The following ATP8A2 variants were observed in gnomAD, a reference collection of about 807,000 sequenced individuals.
The protein encoded by ATP8A2 is ATPase phospholipid transporting 8A2, also known as phospholipid-transporting ATPase IB.
ATP8A2 carries 100 observed loss-of-function variants against 165.6 expected under a neutral mutation model. The observed-to-expected ratio is 0.60, with a 90% CI of 0.51 to 0.71. The LOEUF is 0.71. Among genes scored for constraint, ATP8A2 ranks in the 30% least tolerant of loss-of-function variants. The pLI, the probability that ATP8A2 is intolerant of heterozygous loss-of-function variation, is 0.00. For synonymous variants in ATP8A2, 543 were observed against 548.8 expected, an observed-to-expected ratio of 0.99 and a Z score of 0.15; for missense variants, 1,227 against 1,479.5, an observed-to-expected ratio of 0.83 and a Z score of 2.80.
In ATP8A2 at chr13:26,024,710, T is replaced by C. The variant is rs55804809; in HGVS notation, c.*4725T>C. Reference sequence around the variant, plus strand: ...TCGGGCTCTAGTTGCCTTTGAGATATCCACTCTGCTCTTTCTCCCAGGCCT... The same window carrying C: ...TCGGGCTCTAGTTGCCTTTGAGATACCCACTCTGCTCTTTCTCCCAGGCCT... On this transcript the variant is annotated 3_prime_UTR_variant, in exon 37 of 37. Transcript: ENST00000381655. The C allele has an allele frequency of 0.031, 4,757 of 152,302 alleles. 93 individuals are homozygous for C. The highest frequency in any genetic ancestry group is 0.042 in the African/African-American group (1,751 of 41,564). The allele number at this position is 152,302 out of a possible 1,614,324, so 9.4% of individuals were successfully genotyped here. A position where few individuals can be genotyped will look rare whatever the true frequency, so the allele number is the denominator to read the frequency against.
intron 25 of ATP8A2, among the ~76,000 whole-genome samples, chr13:25,721,088 T>C (rs2043371183): frequency 1.3e-5 from 2 of 151,848 alleles, no homozygotes; most frequent in South Asian, 4.2e-4. Context: ...CCCGAATAGC[T>C]GTGGCTACAG....
chr13:25,621,636 G>A (rs921181148), intron 24 of ATP8A2, among the ~76,000 whole-genome samples: 1 of 152,002 alleles, frequency 6.6e-6, no homozygotes, highest in Non-Finnish European at 1.5e-5. Flanking sequence ...CCATCACCAA[G>A]AAAACTGGAA....
chr13:25,979,887 A>C (rs1249162118), intron 35 of ATP8A2, among the ~76,000 whole-genome samples: 1 of 152,168 alleles, frequency 6.6e-6, no homozygotes, highest in African/African-American at 2.4e-5. Context: ...TCTTTTCCTC[A>C]TCCATTACAA....
At chr13:25,414,629 C>T (rs867739117) in intron 1 of ATP8A2, among the ~76,000 whole-genome samples, 6 of 152,252 alleles carry the variant, frequency 3.9e-5, no homozygotes, top group African/African-American at 1.4e-4. Context: ...CCTGGATGTA[C>T]TTTACGTGTA....
intron 25 of ATP8A2, among the ~76,000 whole-genome samples, chr13:25,710,384 T>A (rs896484387): frequency 6.6e-6 from 1 of 152,242 alleles, no homozygotes; most frequent in Non-Finnish European, 1.5e-5. Flanking sequence ...TCTTACTGTA[T>A]GTTTGTACCC....
intron 24 of ATP8A2, among the ~76,000 whole-genome samples, chr13:25,651,161 T>A (rs2137629358): frequency 6.6e-6 from 1 of 152,274 alleles, no homozygotes; most frequent in East Asian, 1.9e-4. Context: ...ATAAGATTAT[T>A]CGGCCAGGCG....
Position 25,953,709 on chromosome 13 carries a change from G to A in ATP8A2, c.3184-7866G>A, listed in dbSNP as rs187540105. The stretch of plus-strand genomic sequence containing the variant: ...GGGTGCAGCCCACGGAGGGCAAGCC[G>A]AAGCAGGGTGGGGCGTTGCCTCACC... On this transcript the variant is annotated intron_variant, in intron 33 of 36. Coordinates refer to ENST00000381655, the MANE Select transcript of ATP8A2 (RefSeq NM_016529.6). The surrounding 1 kb of genome is among the most constrained non-coding windows in gnomAD (Gnocchi z 6.7). Among the ~76,000 whole-genome samples the A allele has an allele frequency of 5.0e-4, 76 of 152,144 alleles. No homozygotes were observed. The highest frequency in any genetic ancestry group is 4.7e-3 in the East Asian group (24 of 5,122).
chr13:25,872,499 C>T (rs1952706161), intron 33 of ATP8A2, among the ~76,000 whole-genome samples: 3 of 152,190 alleles, frequency 2.0e-5, no homozygotes, highest in Admixed American at 2.0e-4. Context: ...TCCTACCATG[C>T]ATCTACCAAG....
chr13:25,543,318 C>G lies in ATP8A2; in HGVS notation c.807C>G (p.Ile269Met). 6.2e-7 allele frequency: 1 copy of G among 1,611,480 alleles called. No individual in the cohort carries two copies. Among genetic ancestry groups the G allele is most frequent in the Non-Finnish European group, 8.5e-7 (1 of 1,178,106 alleles). ...KSLVALGPDQ[I>M]LLRGTQLRNT... ...TTGTTGCCCTTGGGCCTGACCAGAT[C>G]TTATTAAGAGGTACACAGCTTAGAA... The change falls in exon 10 of 37, where the codon ATC becomes ATG. Residue 269 changes from isoleucine to methionine, a missense_variant. Ile to Met is a conservative substitution (Grantham distance 10, BLOSUM62 1). Transcript: ENST00000381655.
rs1191313223 is a variant in ATP8A2, at chr13:25,750,266, A to G, written c.2385-18780A>G. ...CCAGGCAGAGCAGGCTGCATTTCTC[A>G]GAGTAGTCGCTAGAGTTTTCAGGAG... is the stretch of plus-strand genomic sequence containing the variant. On this transcript the variant is annotated intron_variant, in intron 25 of 36. Coordinates refer to ENST00000381655, the MANE Select transcript of ATP8A2 (RefSeq NM_016529.6). The surrounding 1 kb of genome is among the most constrained non-coding windows in gnomAD (Gnocchi z 4.3). 6.6e-6 allele frequency among the ~76,000 whole-genome samples: 1 copy of G among 152,192 alleles called. No individual in the cohort carries two copies. The highest frequency in any genetic ancestry group is 1.5e-5 in the Non-Finnish European group (1 of 68,036).
At chr13:25,524,170 AG>A (rs144242146) in intron 2 of ATP8A2, among the ~76,000 whole-genome samples, 4,035 of 152,196 alleles carry the variant, frequency 0.027, 70 homozygotes, top group Non-Finnish European at 0.045. Context: ...TGTAGTTTCC[AG>A]GGTTCTTATT....
At chr13:25,580,246 G>A (rs934448565) in intron 22 of ATP8A2, among the ~76,000 whole-genome samples, 3 of 152,194 alleles carry the variant, frequency 2.0e-5, no homozygotes, top group East Asian at 1.9e-4. Flanking sequence ...ATTAACTCAC[G>A]CTGTTGAGTT....
At chr13:25,884,441 A>G (rs1425644505) in intron 33 of ATP8A2, among the ~76,000 whole-genome samples, 1 of 151,930 alleles carries the variant, frequency 6.6e-6, no homozygotes, top group Non-Finnish European at 1.5e-5. Flanking sequence ...TTCTGCTCCC[A>G]CTTCTCGCGG....
At chr13:25,956,385 C>A (rs1002720848) in intron 33 of ATP8A2, among the ~76,000 whole-genome samples, 2 of 152,296 alleles carry the variant, frequency 1.3e-5, no homozygotes, top group Middle Eastern at 3.4e-3. Flanking sequence ...CATCTCAGCC[C>A]AAAATCTCCT....
At chr13:25,874,802 G>C (rs186266557) in intron 33 of ATP8A2, among the ~76,000 whole-genome samples, 2 of 152,272 alleles carry the variant, frequency 1.3e-5, no homozygotes, top group East Asian at 3.9e-4. Context: ...ACAGGAGGTA[G>C]ACACACAATT....
chr13:25,582,141 A>T (rs2039793780), intron 23 of ATP8A2, among the ~76,000 whole-genome samples, 184 bp downstream of exon 23: 1 of 152,244 alleles, frequency 6.6e-6, no homozygotes, highest in Non-Finnish European at 1.5e-5. Flanking sequence ...TGTTACAAAC[A>T]TTAAAACTAT....
At chr13:25,571,055 C>CTGACTCTCA (rs2039453724) in intron 17 of ATP8A2, among the ~76,000 whole-genome samples, 183 bp downstream of exon 17, 1 of 152,216 alleles carries the variant, frequency 6.6e-6, no homozygotes, top group African/African-American at 2.4e-5. Flanking sequence ...ATGGGCTCTC[C>CTGACTCTCA]TGACTCTCAT....
chr13:25,592,894 A>G (rs2040128985), intron 24 of ATP8A2, among the ~76,000 whole-genome samples: 1 of 152,040 alleles, frequency 6.6e-6, no homozygotes, highest in Non-Finnish European at 1.5e-5. Context: ...TTTCTTAACT[A>G]ATTTTGAACT....
chr13:25,469,718 A>T (rs2035789454), intron 2 of ATP8A2, among the ~76,000 whole-genome samples: 1 of 152,152 alleles, frequency 6.6e-6, no homozygotes, highest in South Asian at 2.1e-4. Context: ...AATCTTCATA[A>T]CCTATTGAAG....
Sources: allele counts gnomAD v4.1 joint callset (sites outside exome capture counted in the v4.1 genomes callset), GRCh38; gene constraint gnomAD v4.1.1; non-coding constraint Gnocchi (gnomAD v3.1); transcripts MANE v1.5; gene names NCBI Gene and HGNC (gene_info 2026-07-23, HGNC 2026-07-21).